PALD1: variants seen among roughly 807,000 people sequenced by gnomAD.
PALD1 encodes paladin.
A neutral mutation model predicts 96.0 loss-of-function variants in PALD1; 57 were observed. The observed-to-expected ratio is 0.59, with a 90% CI of 0.48 to 0.74. The LOEUF (loss-of-function observed/expected upper bound fraction) is 0.74, where lower values mean the gene tolerates loss of function less well. Ranked by LOEUF, PALD1 falls within the 30% of genes least tolerant of loss-of-function variation. The probability of loss-of-function intolerance (pLI) is 0.00; values close to 1 mark genes in which losing one functional copy is unlikely to be tolerated. For missense variants in PALD1, 1,063 were observed against 1,143.7 expected (o/e 0.93, Z 1.02); for synonymous variants, 464 against 473.6 (o/e 0.98, Z 0.26).
chr10:70,508,854 T>TGTGTGTGTGTGTGTGTGCGC (rs1406004914), intron 1 of PALD1, among the ~76,000 whole-genome samples: 3 of 122,454 alleles, frequency 2.4e-5, no homozygotes, highest in Non-Finnish European at 5.5e-5. Flanking sequence ...TGTGTGTGTG[T>TGTGTGTGTGTGTGTGTGCGC]GTGCAGGCCT....
intron 1 of PALD1, among the ~76,000 whole-genome samples, chr10:70,524,638 G>T (rs1846814387): frequency 6.6e-6 from 1 of 152,204 alleles, no homozygotes; most frequent in African/African-American, 2.4e-5. Flanking sequence ...TCATCCTGAT[G>T]CCCTTTCGTG....
chr10:70,493,781 C>A (rs1846139414), intron 1 of PALD1, among the ~76,000 whole-genome samples: 1 of 152,240 alleles, frequency 6.6e-6, no homozygotes, highest in African/African-American at 2.4e-5. Context: ...CATGTCCTCA[C>A]CTGTCCTCTG....
chr10:70,532,808 G>A (rs773251889), intron 6 of PALD1, 27 bp downstream of exon 6: 6 of 1,610,960 alleles, frequency 3.7e-6, no homozygotes, highest in Non-Finnish European at 3.4e-6. Flanking sequence ...CCCAGCCCTG[G>A]CCATGGGTGC....
At chr10:70,459,225 A>G in the PALD1 span, among the ~76,000 whole-genome samples, 9 of 152,168 alleles carry the variant, frequency 5.9e-5, no homozygotes, top group Non-Finnish European at 8.8e-5. Context: ...CGCTGGCACT[A>G]TACTGACGGC....
chr10:70,532,935 G>A, intron 6 of PALD1, 60 bp from the exon 7 acceptor site: 1 of 1,525,990 alleles, frequency 6.6e-7, no homozygotes, highest in Non-Finnish European at 8.9e-7. Context: ...CGGGAATAGG[G>A]GGTGAGGGGG....
the PALD1 span, among the ~76,000 whole-genome samples, chr10:70,470,589 TAATA>T: frequency 6.8e-6 from 1 of 147,968 alleles, no homozygotes; most frequent in African/African-American, 2.5e-5. Context: ...TTTTATTATA[TAATA>T]AATAATATTA....
chr10:70,557,742 T>A (rs67988893), intron 18 of PALD1, among the ~76,000 whole-genome samples: 18,279 of 151,936 alleles, frequency 0.12, 1,213 homozygotes, highest in Middle Eastern at 0.19. Context: ...TGGCCATCTT[T>A]GGGGACTGTC....
intron 1 of PALD1, among the ~76,000 whole-genome samples, chr10:70,483,942 C>T (rs1845974221): frequency 6.6e-6 from 1 of 152,218 alleles, no homozygotes; most frequent in Non-Finnish European, 1.5e-5. Context: ...TGAGTGCCAC[C>T]TTCCATGATT....
intron 18 of PALD1, among the ~76,000 whole-genome samples, chr10:70,562,802 G>A (rs1847768137): frequency 6.6e-6 from 1 of 151,694 alleles, no homozygotes; most frequent in African/African-American, 2.4e-5. Context: ...GGGGTGGAAG[G>A]AGCAGGGTGG....
chr10:70,465,892 G>A, the PALD1 span, among the ~76,000 whole-genome samples: 3 of 152,172 alleles, frequency 2.0e-5, no homozygotes, highest in East Asian at 1.9e-4. Context: ...CCCCAGTTTC[G>A]TGGTTAACTT....
At position 70,538,453 on chromosome 10, in the gene PALD1, G is replaced by T. The variant is rs193188683; in HGVS notation, c.1452+45G>T. The T allele has an allele frequency of 7.3e-5, 116 of 1,584,366 alleles. 1 individual carries two copies. In the African/African-American group the frequency reaches 1.3e-3, roughly 18 times the overall value. ...GGAGAAGTGGGCATGGCTGTGTACT[G>T]GCCCTGGCCCCTAAACACTGGATTC... On this transcript the variant is annotated intron_variant, in intron 12 of 19. Coordinates refer to ENST00000263563, the MANE Select transcript of PALD1 (RefSeq NM_014431.3).
intron 18 of PALD1, among the ~76,000 whole-genome samples, chr10:70,562,223 G>T (rs376867809): frequency 6.6e-6 from 1 of 152,156 alleles, no homozygotes; most frequent in Non-Finnish European, 1.5e-5. Context: ...TGGTCCCCTC[G>T]CCCCTCTTGG....
At chr10:70,484,629 C>T (rs60097840) in intron 1 of PALD1, among the ~76,000 whole-genome samples, 14,362 of 151,852 alleles carry the variant, frequency 0.095, 773 homozygotes, top group South Asian at 0.24. Flanking sequence ...AGCTCCGCCT[C>T]CCGGGTTCAA....
intron 1 of PALD1, chr10:70,486,060 G>A: frequency 4.4e-6 from 1 of 225,922 alleles, no homozygotes. Flanking sequence ...ATTCCAGCAA[G>A]TTATGCCGAT....
chr10:70,537,642 T>C (rs1340530394), intron 10 of PALD1, among the ~76,000 whole-genome samples, 169 bp from the exon 11 acceptor site: 7 of 152,196 alleles, frequency 4.6e-5, no homozygotes, highest in Non-Finnish European at 1.0e-4. Flanking sequence ...GCATCTGGGA[T>C]AGGGTGAGAC....
At chr10:70,486,819 G>A (rs1846022753) in intron 1 of PALD1, among the ~76,000 whole-genome samples, 1 of 152,162 alleles carries the variant, frequency 6.6e-6, no homozygotes, top group Non-Finnish European at 1.5e-5. Context: ...TGGTGGTTTA[G>A]CTTTGCCTTG....
At chr10:70,493,106 C>T (rs998045565) in intron 1 of PALD1, among the ~76,000 whole-genome samples, 2 of 152,202 alleles carry the variant, frequency 1.3e-5, no homozygotes. Context: ...CATTCCGGCC[C>T]TTTCCAGCTG....
At chr10:70,476,121 C>A (rs1048798303), upstream of PALD1, among the ~76,000 whole-genome samples, 1 of 152,110 alleles carries the variant, frequency 6.6e-6, no homozygotes, top group Non-Finnish European at 1.5e-5. Flanking sequence ...TCAGTCCCGA[C>A]CTCTCTCCTT....
chr10:70,563,279 A>AG (rs1847778184), intron 18 of PALD1, among the ~76,000 whole-genome samples: 1 of 152,176 alleles, frequency 6.6e-6, no homozygotes, highest in African/African-American at 2.4e-5. Context: ...CCCTCCAGCC[A>AG]GGCCAGCCCC....
Sources: allele counts gnomAD v4.1 joint callset (sites outside exome capture counted in the v4.1 genomes callset), GRCh38; gene constraint gnomAD v4.1.1; transcripts MANE v1.5; gene names NCBI Gene and HGNC (gene_info 2026-07-23, HGNC 2026-07-21).